The following PCDHGA9 variants were observed in gnomAD, a reference collection of about 807,000 sequenced individuals.
PCDHGA9 encodes protocadherin gamma-A9.
PCDHGA9 carries 37 observed loss-of-function variants against 62.5 expected under a neutral mutation model. The ratio of observed to expected loss-of-function variants is 0.59; its 90% CI spans 0.46 to 0.78. The LOEUF is 0.78. Ranked by LOEUF, PCDHGA9 falls within the 30% of genes least tolerant of loss-of-function variation. PCDHGA9 has a pLI of 0.00. For synonymous variants in PCDHGA9, 459 were observed against 484.6 expected (o/e 0.95, Z 0.69); for missense variants, 1,138 against 1,166.2 (o/e 0.98, Z 0.35).
chr5:141,511,374 CA>C lies in PCDHGA9; in HGVS notation c.*202del. ...CCCCAGGGGGTTGAATATGCAAAAG[CA>C]GTTCCGCTGGGAACCCCCATCCAAT... On this transcript the variant is annotated 3_prime_UTR_variant, in exon 4 of 4. Coordinates refer to ENST00000573521, the MANE Select transcript of PCDHGA9 (RefSeq NM_018921.3). The C allele has an allele frequency of 8.0e-7, 1 of 1,242,392 alleles. No individual in the cohort carries two copies. 77.0% of individuals were successfully genotyped at this position (1,242,392 alleles called of 1,614,324 possible).
At position 141,419,408 on chromosome 5, in the gene PCDHGA9, C is replaced by T. The variant is rs534591654; in HGVS notation, c.2424+14032C>T. On this transcript the variant is annotated intron_variant, in intron 1 of 3. Coordinates refer to ENST00000573521, the MANE Select transcript of PCDHGA9 (RefSeq NM_018921.3). ...CGCGCAGAGCGGGGTGGTGTTCGCG[C>T]AGCGCGCCTTCGACCACGAGCAGCT... 6.2e-6 allele frequency: 10 copies of T among 1,613,508 alleles called. No individual in the cohort carries two copies. The African/African-American group carries it at 1.3e-4, about 21-fold the overall frequency.
chr5:141,480,651 C>T (rs780138971), intron 1 of PCDHGA9, among the ~76,000 whole-genome samples: 1 of 152,174 alleles, frequency 6.6e-6, no homozygotes, highest in African/African-American at 2.4e-5. Flanking sequence ...CTTGGTTGCA[C>T]ATTAAAATCA....
chr5:141,435,904 C>G (rs967350870), intron 1 of PCDHGA9, among the ~76,000 whole-genome samples: 2 of 152,068 alleles, frequency 1.3e-5, no homozygotes, highest in Admixed American at 6.5e-5. Context: ...TGAAAGACAT[C>G]CAAGGGCTCT....
rs137901127 is a variant in PCDHGA9 at position 141,436,420 on chromosome 5, A to G, written c.2424+31044A>G. 1.4e-3 allele frequency among the ~76,000 whole-genome samples: 213 copies of G among 152,326 alleles called. 1 individual carries two copies. The highest frequency in any genetic ancestry group is 4.8e-3 in the African/African-American group (199 of 41,594). ...AGTTGTTGAATGAATGGATAAACAA[A>G]TAATGTACTCTGGGGATTACCTGAT... On this transcript the variant is annotated intron_variant, in intron 1 of 3. Coordinates refer to ENST00000573521, the MANE Select transcript of PCDHGA9 (RefSeq NM_018921.3).
At chr5:141,478,428 C>G in intron 1 of PCDHGA9, 1 of 1,613,746 alleles carries the variant, frequency 6.2e-7, no homozygotes. Flanking sequence ...CGCAGCGACC[C>G]GCTGCTGAAG....
chr5:141,463,438 CTTTTTTTTTT>C (rs71576115), intron 1 of PCDHGA9, among the ~76,000 whole-genome samples: 6 of 103,254 alleles, frequency 5.8e-5, no homozygotes, highest in Non-Finnish European at 9.4e-5. Flanking sequence ...TTTCCTTCTC[CTTTTTTTTTT>C]TTTTTTTTTT....
At chr5:141,409,640 G>A (rs1045286800) in intron 1 of PCDHGA9, 2 of 1,613,780 alleles carry the variant, frequency 1.2e-6, no homozygotes, top group African/African-American at 1.3e-5. Context: ...CTCTGACCCG[G>A]ATTTGGGGCT....
intron 1 of PCDHGA9, chr5:141,409,829 A>AGC (rs2095323181): frequency 6.2e-7 from 1 of 1,610,980 alleles, no homozygotes; most frequent in African/African-American, 1.3e-5. Context: ...GCCCACGCTC[A>AGC]GCGCCAACGT....
intron 1 of PCDHGA9, among the ~76,000 whole-genome samples, chr5:141,420,793 T>C (rs1400287885): frequency 6.6e-6 from 1 of 152,268 alleles, no homozygotes; most frequent in Non-Finnish European, 1.5e-5. Flanking sequence ...TGAAAACTTT[T>C]TAAAAATTAA....
intron 1 of PCDHGA9, chr5:141,418,509 G>T: frequency 6.2e-7 from 1 of 1,613,986 alleles, no homozygotes; most frequent in Non-Finnish European, 8.5e-7. Flanking sequence ...GCCTTAGATG[G>T]TGGGGACCCT....
rs2096260633 is a variant in PCDHGA9 at position 141,418,459 on chromosome 5, G to C, written c.2424+13083G>C. 2.5e-6 allele frequency: 4 copies of C among 1,613,992 alleles called. No homozygotes were observed. In the East Asian group the frequency reaches 6.7e-5, roughly 27 times the overall value. ...CAGAATTAGTATTGCAGAAGACTCT[G>C]GACCGAGAAACGCAGAGCGCTCACC... On this transcript the variant is annotated intron_variant, in intron 1 of 3. Transcript: ENST00000573521.
intron 1 of PCDHGA9, chr5:141,409,656 G>A: frequency 6.2e-7 from 1 of 1,613,618 alleles, no homozygotes; most frequent in South Asian, 1.1e-5. Context: ...GGGCTCAATG[G>A]CCACATCTCC....
At chr5:141,420,412 T>G in intron 1 of PCDHGA9, 1 of 1,225,004 alleles carries the variant, frequency 8.2e-7, no homozygotes, top group African/African-American at 1.6e-5. Flanking sequence ...TGGTTATCAT[T>G]ATTAAAACAA....
intron 1 of PCDHGA9, among the ~76,000 whole-genome samples, chr5:141,494,529 G>C (rs952931724): frequency 1.3e-5 from 2 of 152,132 alleles, no homozygotes; most frequent in African/African-American, 4.8e-5. Flanking sequence ...TCTGACTCTG[G>C]GGGCAGGGAG....
In PCDHGA9 at chr5:141,477,247, T is replaced by C; in HGVS notation, c.2425-17560T>C. On this transcript the variant is annotated intron_variant, in intron 1 of 3. Transcript: ENST00000573521. This position sits in a 1 kb window ranked among gnomAD's most constrained non-coding sequence, Gnocchi z 4.9. ...CTGTCATCGCTTTGCTCAGTGTGAC[T>C]GACCTGGATGCTGGCGAGAACGGGC... The C allele has an allele frequency of 6.2e-7, 1 of 1,614,208 alleles. No individual in the cohort carries two copies. Among genetic ancestry groups the C allele is most frequent in the Non-Finnish European group, 8.5e-7 (1 of 1,180,040 alleles).
Position 141,403,617 on chromosome 5 carries a change from G to A in PCDHGA9, c.665G>A (p.Arg222His), listed in dbSNP as rs369607013. ...GCCTCGGATGGCGGCGAGCCGCGTC[G>A]CTCCAGCACAGTGCGCATCCATGTG... is the stretch of plus-strand genomic sequence containing the variant. ...LTASDGGEPRRSSTVRIHVTV... is the reference protein window; with the variant it reads ...LTASDGGEPRHSSTVRIHVTV... The change falls in exon 1 of 4, where the codon CGC (arginine) becomes CAC (histidine). Residue 222 changes from arginine to histidine, a missense_variant. By Grantham distance (29) the Arg-to-His change is conservative. Coordinates refer to ENST00000573521, the MANE Select transcript of PCDHGA9 (RefSeq NM_018921.3). The A allele has an allele frequency of 1.8e-4, 288 of 1,613,738 alleles. No homozygotes were observed. Among genetic ancestry groups the A allele is most frequent in the East Asian group, 1.0e-3 (47 of 44,862 alleles).
At chr5:141,418,021 A>G (rs748774040) in intron 1 of PCDHGA9, 11 of 1,613,978 alleles carry the variant, frequency 6.8e-6, no homozygotes, top group African/African-American at 1.3e-5. Context: ...CTAAGGATCT[A>G]GGGCTTAGTG....
At chr5:141,445,573 A>G (rs1311326050) in intron 1 of PCDHGA9, among the ~76,000 whole-genome samples, 1 of 152,248 alleles carries the variant, frequency 6.6e-6, no homozygotes, top group Admixed American at 6.5e-5. Flanking sequence ...AGCTTATAGT[A>G]GGGAAGCTTC....
rs1317308437 is a variant in PCDHGA9, at chr5:141,418,492, A to G, written c.2424+13116A>G. The G allele has an allele frequency of 1.9e-6, 3 of 1,613,886 alleles. No homozygotes were observed. The African/African-American group carries it at 4.0e-5, about 22-fold the overall frequency. On this transcript the variant is annotated intron_variant, in intron 1 of 3. Coordinates refer to ENST00000573521, the MANE Select transcript of PCDHGA9 (RefSeq NM_018921.3). ...AAACGCAGAGCGCTCACCACTTGGT[A>G]CTGACCGCCTTAGATGGTGGGGACC... is the stretch of plus-strand genomic sequence containing the variant.
Sources: allele counts gnomAD v4.1 joint callset (sites outside exome capture counted in the v4.1 genomes callset), GRCh38; gene constraint gnomAD v4.1.1; non-coding constraint Gnocchi (gnomAD v3.1); transcripts MANE v1.5; gene names NCBI Gene and HGNC (gene_info 2026-07-23, HGNC 2026-07-21).